The following CDC42EP3 variants were observed in gnomAD, a reference collection of about 807,000 sequenced individuals.
CDC42EP3 encodes CDC42 effector protein (Rho GTPase binding) 3.
Under a neutral mutation model 15.5 loss-of-function variants are expected in CDC42EP3, and 4 were observed. The ratio of observed to expected loss-of-function variants is 0.26; its 90% confidence interval spans 0.13 to 0.59. The LOEUF (loss-of-function observed/expected upper bound fraction) is 0.59, where lower values mean the gene tolerates loss of function less well. Among genes scored for constraint, CDC42EP3 ranks in the 20% least tolerant of loss-of-function variants. CDC42EP3 has a pLI of 0.89. For synonymous variants in CDC42EP3, 145 were observed against 130.3 expected, an observed-to-expected ratio of 1.11 and a Z score of -0.77; for missense variants, 309 against 311.2, an observed-to-expected ratio of 0.99 and a Z score of 0.05.
At chr2:37,657,221 C>G (rs1665895148) in intron 1 of CDC42EP3, among the ~76,000 whole-genome samples, 1 of 152,130 alleles carries the variant, frequency 6.6e-6, no homozygotes, top group African/African-American at 2.4e-5. Context: ...CTCCCACCTT[C>G]TTACCATCAG....
At chr2:37,662,484 G>GT (rs1177528788) in intron 1 of CDC42EP3, among the ~76,000 whole-genome samples, 1 of 152,142 alleles carries the variant, frequency 6.6e-6, no homozygotes, top group Admixed American at 6.5e-5. Context: ...TAAACTGATT[G>GT]TTTTAAATAC....
chr2:37,663,202 ACAAAC>A (rs1294261102), intron 1 of CDC42EP3, among the ~76,000 whole-genome samples: 1 of 152,008 alleles, frequency 6.6e-6, no homozygotes, highest in Non-Finnish European at 1.5e-5. Context: ...AACAAAAAAA[ACAAAC>A]CAACCTTCCA....
intron 1 of CDC42EP3, among the ~76,000 whole-genome samples, chr2:37,650,459 T>C (rs1014052493): frequency 1.3e-5 from 2 of 152,224 alleles, no homozygotes; most frequent in African/African-American, 4.8e-5. Flanking sequence ...CAGCAGCACT[T>C]GATACAAGTC....
chr2:37,658,850 T>C (rs549447782), intron 1 of CDC42EP3, among the ~76,000 whole-genome samples: 1 of 149,462 alleles, frequency 6.7e-6, no homozygotes, highest in East Asian at 2.0e-4. Context: ...TCCCCGGTCC[T>C]TCCACCTTAT....
chr2:37,663,971 G>A (rs935907823), intron 1 of CDC42EP3, among the ~76,000 whole-genome samples: 1 of 152,120 alleles, frequency 6.6e-6, no homozygotes, highest in African/African-American at 2.4e-5. Context: ...TCAGGAGATG[G>A]AAACCATCCT....
At chr2:37,662,781 G>A (rs1666106880) in intron 1 of CDC42EP3, among the ~76,000 whole-genome samples, 1 of 152,198 alleles carries the variant, frequency 6.6e-6, no homozygotes, top group Non-Finnish European at 1.5e-5. Flanking sequence ...CCGTCTGAGA[G>A]CAAGAAAACA....
chr2:37,654,624 C>G (rs893913681), intron 1 of CDC42EP3, among the ~76,000 whole-genome samples: 1 of 152,116 alleles, frequency 6.6e-6, no homozygotes, highest in Non-Finnish European at 1.5e-5. Context: ...CCTGACAGTG[C>G]GTGAAGGGAG....
intron 1 of CDC42EP3, among the ~76,000 whole-genome samples, chr2:37,660,940 C>G (rs1417840129): frequency 2.6e-5 from 4 of 152,048 alleles, no homozygotes; most frequent in African/African-American, 9.7e-5. Context: ...GGACTTCATA[C>G]CATATGGGAG....
chr2:37,670,836 C>G (rs1666391611), intron 1 of CDC42EP3, among the ~76,000 whole-genome samples: 1 of 152,300 alleles, frequency 6.6e-6, no homozygotes, highest in East Asian at 1.9e-4. Flanking sequence ...TGATACTTGT[C>G]TGTGTCAAGC....
chr2:37,646,003 C>G lies in CDC42EP3; in HGVS notation c.585G>C (p.Gln195His). ...RDSHSSSLSEQYPDWPAEDMF... is the reference protein window; with the variant it reads ...RDSHSSSLSEHYPDWPAEDMF... ...TGTCCTCGGCTGGCCAGTCGGGGTA[C>G]TGTTCGGACAGGCTGGAGGAGTGGC... is the stretch of plus-strand genomic sequence containing the variant. Residue 195 changes from glutamine (Q) to histidine (H), a missense_variant, in exon 2 of 2, where the codon CAG becomes CAC. Gln to His is a conservative substitution (Grantham distance 24, BLOSUM62 0). Coordinates refer to ENST00000295324, the MANE Select transcript of CDC42EP3 (RefSeq NM_006449.5). The G allele has an allele frequency of 6.2e-7, 1 of 1,613,898 alleles. No individual in the cohort carries two copies. The highest frequency in any genetic ancestry group is 8.5e-7 in the Non-Finnish European group (1 of 1,179,878).
intron 1 of CDC42EP3, among the ~76,000 whole-genome samples, chr2:37,648,477 G>C (rs1329091365): frequency 6.6e-6 from 1 of 152,254 alleles, no homozygotes; most frequent in Non-Finnish European, 1.5e-5. Context: ...CTCAGTAACA[G>C]CTAACTCAAT....
At chr2:37,666,097 G>T (rs540189199) in intron 1 of CDC42EP3, among the ~76,000 whole-genome samples, 1 of 152,024 alleles carries the variant, frequency 6.6e-6, no homozygotes, top group Admixed American at 6.5e-5. Context: ...CATCCTCATC[G>T]CTCTCTTCCT....
At chr2:37,672,877 T>C (rs2041506), upstream of CDC42EP3, among the ~76,000 whole-genome samples, 138,951 of 152,244 alleles carry the variant, frequency 0.91, 63,700 homozygotes, top group East Asian at 0.99. Context: ...CGCGGTGCCC[T>C]GGGTCTGTCT....
chr2:37,654,102 AG>A (rs1665774045), intron 1 of CDC42EP3, among the ~76,000 whole-genome samples: 1 of 152,182 alleles, frequency 6.6e-6, no homozygotes, highest in South Asian at 2.1e-4. Context: ...CAACAGTCCT[AG>A]GGGAGGATGA....
chr2:37,659,925 G>A (rs1390598195), intron 1 of CDC42EP3, among the ~76,000 whole-genome samples: 2 of 152,218 alleles, frequency 1.3e-5, no homozygotes, highest in Non-Finnish European at 2.9e-5. Flanking sequence ...CTATCTCACT[G>A]CTGTTCCTGG....
chr2:37,663,994 G>T (rs899848781), intron 1 of CDC42EP3, among the ~76,000 whole-genome samples: 3 of 152,146 alleles, frequency 2.0e-5, no homozygotes, highest in Non-Finnish European at 4.4e-5. Context: ...CTAAGGCGGT[G>T]AAGCCCCGTC....
In CDC42EP3 at chr2:37,652,174, CAAAAAAAAAAA is replaced by C. The variant is rs61407687; in HGVS notation, c.-235-5363_-235-5353del. On this transcript the variant is annotated intron_variant, in intron 1 of 1. Coordinates refer to ENST00000295324, the MANE Select transcript of CDC42EP3 (RefSeq NM_006449.5). ...TGGGTGACAGAGCAAGACTCCCTCT[CAAAAAAAAAAA>C]AAAAAAAAAAAAAAAAGAAAATAGA... 8.6e-3 allele frequency among the ~76,000 whole-genome samples: 337 copies of C among 39,146 alleles called. 5 individuals carry two copies. Among genetic ancestry groups the C allele is most frequent in the South Asian group, 0.026 (17 of 662 alleles). The allele number at this position is 39,146 out of a possible 152,430, so 25.7% of individuals were successfully genotyped here.
chr2:37,672,719 G>A (rs1433206297), upstream of CDC42EP3, among the ~76,000 whole-genome samples: 2 of 152,246 alleles, frequency 1.3e-5, no homozygotes, highest in African/African-American at 4.8e-5. Flanking sequence ...TGGTCAGCCA[G>A]GGGAGGGGGC....
At position 37,654,624 on chromosome 2, in the gene CDC42EP3, C is replaced by A. The variant is rs893913681; in HGVS notation, c.-235-7802G>T. Among the ~76,000 whole-genome samples, 4 of 152,116 alleles carry A rather than the reference C, an allele frequency of 2.6e-5. No individual in the cohort carries two copies. In the East Asian group the frequency reaches 5.8e-4, roughly 22 times the overall value. Reference sequence around the variant, plus strand: ...GTTACCCTGCGCCTCCCTGACAGTGCGTGAAGGGAGGTGTTCACGTTCCCA... The same window carrying A: ...GTTACCCTGCGCCTCCCTGACAGTGAGTGAAGGGAGGTGTTCACGTTCCCA... On this transcript the variant is annotated intron_variant, in intron 1 of 1. Transcript: ENST00000295324.
Sources: allele counts gnomAD v4.1 joint callset (sites outside exome capture counted in the v4.1 genomes callset), GRCh38; gene constraint gnomAD v4.1.1; transcripts MANE v1.5; gene names NCBI Gene and HGNC (gene_info 2026-07-23, HGNC 2026-07-21).